LACTB: variants seen among roughly 807,000 people sequenced by gnomAD.
The protein encoded by LACTB is lactamase beta, also known as serine beta-lactamase-like protein LACTB, mitochondrial.
Under a neutral mutation model 50.2 loss-of-function variants are expected in LACTB, and 35 were observed. The observed-to-expected ratio is 0.70, with a 90% CI of 0.53 to 0.92. The LOEUF is 0.92. Among genes scored for constraint, LACTB ranks in the 40% least tolerant of loss-of-function variants. The pLI is 0.00. For synonymous variants in LACTB, 252 were observed against 268.2 expected (o/e 0.94, Z 0.59); for missense variants, 664 against 691.8 (o/e 0.96, Z 0.45).
At chr15:63,132,655 C>G (rs191008003) in intron 5 of LACTB, among the ~76,000 whole-genome samples, 57 of 151,812 alleles carry the variant, frequency 3.8e-4, no homozygotes, top group Admixed American at 3.7e-3. Context: ...CCATCTCTAC[C>G]AAAAGTACAA....
chr15:63,122,251 C>T, intron 1 of LACTB, 23 bp downstream of exon 1: 2 of 1,516,036 alleles, frequency 1.3e-6, no homozygotes, highest in South Asian at 1.3e-5. Context: ...GAGCGGGGGG[C>T]GTAGGGGGCC....
rs745511177 is a variant in LACTB at position 63,126,836 on chromosome 15, C to T, written c.425-23C>T. On this transcript the variant is annotated intron_variant, in intron 2 of 5. Transcript: ENST00000261893. Reference sequence around the variant, plus strand: ...TGACCATGAAGCCTGTTAATAGTGACTTTTTGCTTTTTTCCCCCAAAGGTT... The same window carrying T: ...TGACCATGAAGCCTGTTAATAGTGATTTTTTGCTTTTTTCCCCCAAAGGTT... 6 of 1,453,990 alleles carry T rather than the reference C, an allele frequency of 4.1e-6. No individual in the cohort carries two copies. The South Asian group carries it at 8.9e-5, about 22-fold the overall frequency. The allele number at this position is 1,453,990 out of a possible 1,614,324, so 90.1% of individuals were successfully genotyped here.
intron 5 of LACTB, among the ~76,000 whole-genome samples, chr15:63,133,763 A>G (rs1384593071): frequency 6.6e-6 from 1 of 152,236 alleles, no homozygotes; most frequent in African/African-American, 2.4e-5. Flanking sequence ...GGTATACTTC[A>G]AAAAACACAC....
In LACTB at chr15:63,127,042, G is replaced by A. The variant is rs771415441; in HGVS notation, c.608G>A (p.Gly203Asp). 6.3e-7 allele frequency: 1 copy of A among 1,591,580 alleles called. No individual in the cohort carries two copies. The highest frequency in any genetic ancestry group is 8.6e-7 in the Non-Finnish European group (1 of 1,165,492). ...VPEFPEKEYE[G>D]EKVSVTTRLL... ...GAATTCCCAGAAAAAGAATATGAAG[G>A]TGAAAAGGTACTGAAACTCACAGTT... The change falls in exon 3 of 6, where the codon GGT becomes GAT. Residue 203 changes from glycine (G) to aspartate (D), a missense_variant. Coordinates refer to ENST00000261893, the MANE Select transcript of LACTB (RefSeq NM_032857.5).
intron 4 of LACTB, among the ~76,000 whole-genome samples, chr15:63,128,990 C>T (rs1018688848): frequency 2.0e-5 from 3 of 152,130 alleles, no homozygotes; most frequent in Non-Finnish European, 4.4e-5. Context: ...TGATCCTCCC[C>T]CCTTGGCCTC....
intron 5 of LACTB, among the ~76,000 whole-genome samples, chr15:63,138,731 T>C (rs1368271081): frequency 1.3e-5 from 2 of 152,012 alleles, no homozygotes; most frequent in African/African-American, 4.8e-5. Context: ...TGGTTTGAAA[T>C]GCTTTACTGT....
chr15:63,130,247 G>A (rs1213162716), intron 5 of LACTB: 1 of 152,380 alleles, frequency 6.6e-6, no homozygotes, highest in Non-Finnish European at 1.5e-5. Flanking sequence ...GCTCACGCCT[G>A]TAATCCCAAC....
Position 63,121,895 on chromosome 15 carries a change from G to A in LACTB, c.24G>A (p.Val8=). The A allele has an allele frequency of 1.4e-6, 2 of 1,418,692 alleles. No homozygotes were observed. Among genetic ancestry groups the A allele is most frequent in the Non-Finnish European group, 1.8e-6 (2 of 1,091,956 alleles). The allele number at this position is 1,418,692 out of a possible 1,614,324, so 87.9% of individuals were successfully genotyped here. Residue 8 remains valine, a synonymous_variant, in exon 1 of 6, where the codon GTG becomes GTA. Transcript: ENST00000261893. MYRLMSA[V]TARAAAPGGL... is the part of the protein sequence containing the mutation. ...CCATGTACCGGCTCATGTCAGCAGT[G>A]ACTGCCCGGGCTGCCGCCCCCGGGG...
intron 5 of LACTB, among the ~76,000 whole-genome samples, chr15:63,132,201 T>G (rs4551986): frequency 0.75 from 114,465 of 151,956 alleles, 43,476 homozygotes; most frequent in East Asian, 1. Context: ...CTTGCCCTCC[T>G]CCCTGCGTCC....
intron 5 of LACTB, 55 bp from the exon 6 acceptor site, chr15:63,141,223 CAT>C (rs1286397818): frequency 9.9e-6 from 15 of 1,521,864 alleles, no homozygotes; most frequent in African/African-American, 1.4e-5. Context: ...TTTCTATCAT[CAT>C]GTGTGAAGCC....
At chr15:63,140,136 G>GA (rs1289916752) in intron 5 of LACTB, among the ~76,000 whole-genome samples, 1 of 152,018 alleles carries the variant, frequency 6.6e-6, no homozygotes, top group Non-Finnish European at 1.5e-5. Flanking sequence ...ATTTCTCAAT[G>GA]AAAAAATGTG....
intron 3 of LACTB, 106 bp downstream of exon 3, chr15:63,127,155 G>A (rs1244718601): frequency 3.0e-6 from 3 of 1,005,882 alleles, no homozygotes; most frequent in Non-Finnish European, 4.3e-6. Context: ...TTTAGTTATT[G>A]TTAATGTATT....
At position 63,123,477 on chromosome 15, in the gene LACTB, G is replaced by A. The variant is rs557073708; in HGVS notation, c.424+775G>A. 1.4e-4 allele frequency among the ~76,000 whole-genome samples: 22 copies of A among 152,320 alleles called. No homozygotes were observed. The South Asian group carries it at 4.6e-3, about 32-fold the overall frequency. ...CGGTGGGTCTCTCCCTGTGTGCGGCGACGAGAGAGTGTAGAAATAAAGACA... is the reference window on the plus strand; with the variant it reads ...CGGTGGGTCTCTCCCTGTGTGCGGCAACGAGAGAGTGTAGAAATAAAGACA... On this transcript the variant is annotated intron_variant, in intron 2 of 5. Coordinates refer to ENST00000261893, the MANE Select transcript of LACTB (RefSeq NM_032857.5).
intron 2 of LACTB, among the ~76,000 whole-genome samples, chr15:63,126,368 C>G (rs2037054037): frequency 6.6e-6 from 1 of 152,116 alleles, no homozygotes; most frequent in African/African-American, 2.4e-5. Context: ...TCTTGAACTC[C>G]CAATCTCAGG....
chr15:63,139,840 G>A (rs768768257), intron 5 of LACTB, among the ~76,000 whole-genome samples: 9 of 129,604 alleles, frequency 6.9e-5, no homozygotes, highest in Non-Finnish European at 1.7e-4. Flanking sequence ...GCTCATGCCT[G>A]TAATCCCAGC....
intron 5 of LACTB, among the ~76,000 whole-genome samples, chr15:63,138,975 C>T (rs2037200192): frequency 1.4e-5 from 2 of 141,614 alleles, no homozygotes; most frequent in African/African-American, 5.3e-5. Flanking sequence ...ATCCGGGAGG[C>T]AGAGATCACA....
intron 1 of LACTB, 59 bp downstream of exon 1, chr15:63,122,287 T>A: frequency 1.4e-6 from 2 of 1,386,724 alleles, no homozygotes; most frequent in Non-Finnish European, 1.9e-6. Context: ...TCGGCGGTGC[T>A]GTCGGGGGCT....
At chr15:63,127,786 G>C (rs780141502) in intron 4 of LACTB, 97 bp downstream of exon 4, 1 of 839,084 alleles carries the variant, frequency 1.2e-6, no homozygotes, top group Non-Finnish European at 1.8e-6. Flanking sequence ...ATTCATTGAG[G>C]TTGATGATTG....
At chr15:63,140,459 C>G (rs1281636791) in intron 5 of LACTB, among the ~76,000 whole-genome samples, 1 of 152,074 alleles carries the variant, frequency 6.6e-6, no homozygotes, top group Non-Finnish European at 1.5e-5. Flanking sequence ...AGACACATAC[C>G]TGTGGCCACT....
Sources: gnomAD v4.1 joint callset for allele counts (sites outside exome capture counted in the v4.1 genomes callset) on GRCh38, gnomAD v4.1.1 for gene constraint, MANE v1.5 for transcripts, NCBI Gene and HGNC (gene_info 2026-07-23, HGNC 2026-07-21) for gene names.